RBM41: variants seen among roughly 807,000 people sequenced by gnomAD.
RBM41 encodes RNA-binding protein 41.
RBM41 carries 14 observed loss-of-function variants against 30.8 expected under a neutral mutation model. The observed-to-expected ratio is 0.45, with a 90% CI of 0.30 to 0.71. The LOEUF (loss-of-function observed/expected upper bound fraction) is 0.71. Ranked by LOEUF, RBM41 falls within the 30% of genes least tolerant of loss-of-function variation. RBM41 has a pLI of 0.08. For synonymous variants in RBM41, 120 were observed against 110.1 expected (o/e 1.09, Z -0.56); for missense variants, 276 against 326.3 (o/e 0.85, Z 1.19).
chrX:107,077,498 G>C (rs1921067336), intron 6 of RBM41, among the ~76,000 whole-genome samples: 1 of 109,180 alleles, frequency 9.2e-6, no homozygotes, highest in African/African-American at 3.4e-5. Context: ...GGGATGCTGG[G>C]ATACATCCCC....
the RBM41 span, among the ~76,000 whole-genome samples, chrX:107,056,684 T>C: frequency 8.9e-6 from 1 of 111,844 alleles, no homozygotes; most frequent in Non-Finnish European, 1.9e-5. Flanking sequence ...TATTCTCTTA[T>C]AATCCTTTTT....
rs147569021 is a variant in RBM41, at chrX:107,075,600, G to C, written c.1000-6198C>G. ...AGACTTAAACAGACATTTCTCCAAA[G>C]AGATATAAATAGCCAACAGGTATAT... On this transcript the variant is annotated intron_variant, in intron 6 of 7. Coordinates refer to ENST00000685964, the MANE Select transcript of RBM41 (RefSeq NM_001324242.2). 4.8e-3 allele frequency among the ~76,000 whole-genome samples: 543 copies of C among 112,037 alleles called. 13 individuals carry two copies. The East Asian group carries it at 0.062, about 13-fold the overall frequency.
chrX:107,064,437 G>T lies in RBM41; in HGVS notation c.*3090C>A, dbSNP rs929637717. The T allele has an allele frequency of 2.4e-4, 24 of 100,337 alleles. No homozygotes were observed. Among genetic ancestry groups the T allele is most frequent in the African/African-American group, 9.0e-4 (24 of 26,752 alleles). 8.3% of individuals were successfully genotyped at this position (100,337 alleles called of 1,213,427 possible). On this transcript the variant is annotated 3_prime_UTR_variant, in exon 8 of 8. Coordinates refer to ENST00000685964, the MANE Select transcript of RBM41 (RefSeq NM_001324242.2). ...TTTTTTTTGGTAATGACAGGGTCTT[G>T]CTGTGTTGCCCAGGCTGGTCTTGAA...
intron 5 of RBM41, among the ~76,000 whole-genome samples, chrX:107,090,718 G>A (rs1922454880): frequency 9.0e-6 from 1 of 111,276 alleles, no homozygotes; most frequent in African/African-American, 3.3e-5. Flanking sequence ...GTTGTTTCCA[G>A]GCCTTTTCAG....
Position 107,064,951 on chromosome X carries a change from T to C in RBM41, c.*2576A>G, listed in dbSNP as rs1387866101. Reference sequence around the variant, plus strand: ...CTTCATGTATTTTGGGCTCTACTGTTAGATGCATATATATTTATAGTTGTT... The same window carrying C: ...CTTCATGTATTTTGGGCTCTACTGTCAGATGCATATATATTTATAGTTGTT... On this transcript the variant is annotated 3_prime_UTR_variant, in exon 8 of 8. Coordinates refer to ENST00000685964, the MANE Select transcript of RBM41 (RefSeq NM_001324242.2). 1 of 111,963 alleles carries C rather than the reference T, an allele frequency of 8.9e-6. No homozygotes were observed. Among genetic ancestry groups the C allele is most frequent in the Admixed American group, 9.5e-5 (1 of 10,550 alleles). The allele number at this position is 111,963 out of a possible 1,213,427, so 9.2% of individuals were successfully genotyped here. A position where few individuals can be genotyped will look rare whatever the true frequency, so the allele number is the denominator to read the frequency against.
Position 107,067,191 on chromosome X carries a change from G to T in RBM41, c.*336C>A. 1.3e-6 allele frequency: 1 copy of T among 772,611 alleles called. No homozygotes were observed. Among genetic ancestry groups the T allele is most frequent in the Non-Finnish European group, 1.5e-6 (1 of 650,093 alleles). The allele number at this position is 772,611 out of a possible 1,213,427, so 63.7% of individuals were successfully genotyped here. Reference sequence around the variant, plus strand: ...TGTGTATACGAAGCAGTCTAAGAAAGAATGTTATCTCTAGAGACAAATATT... The same window carrying T: ...TGTGTATACGAAGCAGTCTAAGAAATAATGTTATCTCTAGAGACAAATATT... On this transcript the variant is annotated 3_prime_UTR_variant, in exon 8 of 8. Coordinates refer to ENST00000685964, the MANE Select transcript of RBM41 (RefSeq NM_001324242.2).
At chrX:107,106,954 G>T (rs1484691972) in intron 5 of RBM41, among the ~76,000 whole-genome samples, 1 of 110,425 alleles carries the variant, frequency 9.1e-6, no homozygotes, top group African/African-American at 3.3e-5. Context: ...CACCAACATG[G>T]CACATGTATA....
At chrX:107,082,913 T>C (rs966786412) in intron 6 of RBM41, among the ~76,000 whole-genome samples, 11 of 111,538 alleles carry the variant, frequency 9.9e-5, no homozygotes, top group African/African-American at 3.6e-4. Flanking sequence ...ATTCCTATTA[T>C]TAATTTGAAA....
chrX:107,118,150 G>T (rs1925039072), intron 1 of RBM41, among the ~76,000 whole-genome samples: 1 of 110,671 alleles, frequency 9.0e-6, no homozygotes, highest in South Asian at 3.9e-4. Context: ...GGCTCAAGCG[G>T]CCATTTACCT....
At chrX:107,089,066 C>A (rs1272067327) in intron 5 of RBM41, among the ~76,000 whole-genome samples, 1 of 111,288 alleles carries the variant, frequency 9.0e-6, no homozygotes, top group Non-Finnish European at 1.9e-5. Flanking sequence ...TAGAGTCATG[C>A]AAATATATGC....
chrX:107,059,263 G>A (rs1203382724), downstream of RBM41, among the ~76,000 whole-genome samples: 3 of 109,413 alleles, frequency 2.7e-5, no homozygotes, highest in South Asian at 8.3e-4. Flanking sequence ...GTCACATTCA[G>A]TCTATAACAA....
At position 107,088,522 on chromosome X, in the gene RBM41, C is replaced by G; in HGVS notation, c.913G>C (p.Asp305His). 1 of 1,211,442 alleles carries G rather than the reference C, an allele frequency of 8.3e-7. No homozygotes were observed. Among genetic ancestry groups the G allele is most frequent in the Non-Finnish European group, 1.1e-6 (1 of 895,296 alleles). The change falls in exon 6 of 8, where the codon GAT becomes CAT. Residue 305 changes from aspartate (D) to histidine (H), a missense_variant. Asp to His is a moderately conservative substitution (Grantham distance 81). Coordinates refer to ENST00000685964, the MANE Select transcript of RBM41 (RefSeq NM_001324242.2). ...GACAAACGATTTCTCTGGATTTCAT[C>G]TTCTGGGACAAATTCTATTGGCTGC... The part of the protein sequence containing the change: ...LTQPIEFVPE[D>H]EIQRNRLSEE...
chrX:107,090,177 C>T (rs1922394577), intron 5 of RBM41, among the ~76,000 whole-genome samples: 1 of 111,037 alleles, frequency 9.0e-6, no homozygotes, highest in Non-Finnish European at 1.9e-5. Flanking sequence ...ACTTTGAGAC[C>T]AGCCTGGCCA....
At chrX:107,118,305 G>C (rs1925058303) in intron 1 of RBM41, among the ~76,000 whole-genome samples, 1 of 107,487 alleles carries the variant, frequency 9.3e-6, no homozygotes. Context: ...GCGCTACATG[G>C]TTTCGGGGCC....
the RBM41 span, among the ~76,000 whole-genome samples, chrX:107,054,586 G>A: frequency 1.8e-5 from 2 of 111,528 alleles, no homozygotes; most frequent in Admixed American, 9.5e-5. Context: ...TGGCTATTTC[G>A]CCGTACCTGG....
intron 6 of RBM41, among the ~76,000 whole-genome samples, chrX:107,071,615 A>C (rs963370457): frequency 1.8e-5 from 2 of 112,187 alleles, no homozygotes; most frequent in Non-Finnish European, 3.8e-5. Flanking sequence ...AAAATTGATC[A>C]ATGTAATACA....
In RBM41 at chrX:107,062,027, T is replaced by C. The variant is rs150654419; in HGVS notation, c.*5500A>G. On this transcript the variant is annotated 3_prime_UTR_variant, in exon 8 of 8. Coordinates refer to ENST00000685964, the MANE Select transcript of RBM41 (RefSeq NM_001324242.2). ...ATAAAGACACGGAAAATTTCAATTA[T>C]TAAGACAAATTCCTCATGCTACCAC... Among the ~76,000 whole-genome samples, 165 of 112,329 alleles carry C rather than the reference T, an allele frequency of 1.5e-3. No individual in the cohort carries two copies. Among genetic ancestry groups the C allele is most frequent in the Middle Eastern group, 9.2e-3 (2 of 218 alleles).
chrX:107,070,343 T>G, intron 6 of RBM41: 1 of 331,061 alleles, frequency 3.0e-6, no homozygotes, highest in Non-Finnish European at 5.9e-6. Flanking sequence ...TCCCAGTCCT[T>G]TTCTGCCATT....
chrX:107,115,044 T>G (rs1382216268), intron 4 of RBM41: 1 of 251,283 alleles, frequency 4.0e-6, no homozygotes. Flanking sequence ...TTTATTTACC[T>G]GACAAATGCC....
Sources: allele counts gnomAD v4.1 joint callset (sites outside exome capture counted in the v4.1 genomes callset), GRCh38; gene constraint gnomAD v4.1.1; transcripts MANE v1.5; gene names NCBI Gene and HGNC (gene_info 2026-07-23, HGNC 2026-07-21).